The following KCNK10 variants were observed in gnomAD, a reference collection of about 807,000 sequenced individuals.
KCNK10 encodes potassium two pore domain channel subfamily K member 10, also known as potassium channel subfamily K member 10.
KCNK10 carries 25 observed loss-of-function variants against 47.7 expected under a neutral mutation model. That is an observed-to-expected ratio of 0.52 (90% CI 0.38 to 0.73). The LOEUF is 0.73. Among genes scored for constraint, KCNK10 ranks in the 30% least tolerant of loss-of-function variants. The pLI, the probability that KCNK10 is intolerant of heterozygous loss-of-function variation, is 0.00. For synonymous variants in KCNK10, 303 were observed against 285.6 expected (o/e 1.06, Z -0.61); for missense variants, 563 against 714.5 (o/e 0.79, Z 2.42).
At position 88,185,351 on chromosome 14, in the gene KCNK10, C is replaced by T. The variant is rs1884506763; in HGVS notation, c.*184G>A. 2 of 850,814 alleles carry T rather than the reference C, an allele frequency of 2.4e-6. No homozygotes were observed. The highest frequency in any genetic ancestry group is 3.5e-6 in the Non-Finnish European group (2 of 570,866). 52.7% of individuals were successfully genotyped at this position (850,814 alleles called of 1,614,324 possible). On this transcript the variant is annotated 3_prime_UTR_variant, in exon 7 of 7. Coordinates refer to ENST00000319231, the MANE Select transcript of KCNK10 (RefSeq NM_138317.3). The surrounding 1 kb of genome is among the most constrained non-coding windows in gnomAD (Gnocchi z 4.3). ...TGCGTTTGCTATCTGAAATGAAGTT[C>T]TTGTTCTCTGATTCCTTTTGGCAGA... is the stretch of plus-strand genomic sequence containing the variant.
rs570838716 is a variant in KCNK10, at chr14:88,315,789, C to T, written c.52+6958G>A. 2.6e-5 allele frequency among the ~76,000 whole-genome samples: 4 copies of T among 152,180 alleles called. No homozygotes were observed. The South Asian group carries it at 8.3e-4, about 32-fold the overall frequency. On this transcript the variant is annotated intron_variant, in intron 1 of 6. Coordinates refer to ENST00000319231, the MANE Select transcript of KCNK10 (RefSeq NM_138317.3). ...AAACTGTAAATACCACCAGCCCCAC[C>T]ACACTGGGTAGTTGAGTAAGGGAGA...
chr14:88,192,489 AC>A (rs1401298543), intron 4 of KCNK10, 79 bp from the exon 5 acceptor site: 1 of 1,240,128 alleles, frequency 8.1e-7, no homozygotes, highest in Non-Finnish European at 1.1e-6. Flanking sequence ...AGAAAACGGT[AC>A]TGTGTCAGTG....
intron 1 of KCNK10, among the ~76,000 whole-genome samples, chr14:88,269,007 A>G (rs1366412856): frequency 2.0e-5 from 3 of 152,136 alleles, no homozygotes; most frequent in African/African-American, 4.8e-5. Context: ...GTATGGTGGC[A>G]TGCACCTGTA....
At chr14:88,244,984 G>A (rs1886589913) in intron 2 of KCNK10, among the ~76,000 whole-genome samples, 1 of 152,084 alleles carries the variant, frequency 6.6e-6, no homozygotes. Context: ...TAGATAAGAG[G>A]GCATTACTTT....
chr14:88,214,675 A>G lies in KCNK10; in HGVS notation c.681+12700T>C, dbSNP rs578020583. On this transcript the variant is annotated intron_variant, in intron 4 of 6. Coordinates refer to ENST00000319231, the MANE Select transcript of KCNK10 (RefSeq NM_138317.3). ...ACCTCCAAGAAAAGAGAACACAAAG[A>G]AAGAGATATTAACTAATAATGAGCT... 5.4e-4 allele frequency among the ~76,000 whole-genome samples: 83 copies of G among 152,346 alleles called. 2 individuals carry two copies. The South Asian group carries it at 0.017, about 30-fold the overall frequency.
At chr14:88,215,076 T>C (rs1885576009) in intron 4 of KCNK10, among the ~76,000 whole-genome samples, 1 of 152,046 alleles carries the variant, frequency 6.6e-6, no homozygotes, top group Non-Finnish European at 1.5e-5. Flanking sequence ...CTCATATAAT[T>C]AAGAAACAAT....
In KCNK10 at chr14:88,310,169, C is replaced by CATATGGTATATGATATACCATATG. The variant is rs1555365606; in HGVS notation, c.52+12577_52+12578insCATATGGTATATCATATACCATAT. Among the ~76,000 whole-genome samples the CATATGGTATATGATATACCATATG allele has an allele frequency of 5.2e-3, 541 of 103,882 alleles. 33 individuals carry two copies. The highest frequency in any genetic ancestry group is 0.018 in the African/African-American group (409 of 22,624). The allele number at this position is 103,882 out of a possible 152,430, so 68.2% of individuals were successfully genotyped here. A position where few individuals can be genotyped will look rare whatever the true frequency, so the allele number is the denominator to read the frequency against. ...TCCATATCTCTCTCATATACCATATCATATGGTATATGATATACCATATCA... is the reference window on the plus strand; with the variant it reads ...TCCATATCTCTCTCATATACCATATCATATGGTATATGATATACCATATGATATGGTATATGATATACCATATCA... On this transcript the variant is annotated intron_variant, in intron 1 of 6. Transcript: ENST00000319231.
At chr14:88,227,077 T>C (rs1886009432) in intron 4 of KCNK10, among the ~76,000 whole-genome samples, 1 of 152,226 alleles carries the variant, frequency 6.6e-6, no homozygotes, top group Admixed American at 6.5e-5. Flanking sequence ...CCATCTTCCA[T>C]CTTGAAGGAG....
chr14:88,287,423 G>A (rs1296537341), intron 1 of KCNK10, among the ~76,000 whole-genome samples: 3 of 152,074 alleles, frequency 2.0e-5, no homozygotes, highest in African/African-American at 4.8e-5. Context: ...CCCATCACCC[G>A]AGCAGTGTAC....
rs555392673 is a variant in KCNK10 at position 88,298,246 on chromosome 14, G to T, written c.52+24501C>A. On this transcript the variant is annotated intron_variant, in intron 1 of 6. Transcript: ENST00000319231. ...ACAAGTCAAAATTAATATCGTCCAC[G>T]TTCAGTGCAACCTCTGCACCTCTCC... 5.3e-5 allele frequency among the ~76,000 whole-genome samples: 8 copies of T among 152,264 alleles called. 1 individual carries two copies. The highest frequency in any genetic ancestry group is 4.6e-4 in the Admixed American group (7 of 15,288).
chr14:88,278,563 T>G (rs1160672846), intron 1 of KCNK10, among the ~76,000 whole-genome samples: 1 of 152,206 alleles, frequency 6.6e-6, no homozygotes, highest in Non-Finnish European at 1.5e-5. Context: ...TAAGTGTTGA[T>G]GCAAGATCTT....
At chr14:88,187,863 A>C in intron 6 of KCNK10, 104 bp downstream of exon 6, 5 of 1,328,750 alleles carry the variant, frequency 3.8e-6, no homozygotes, top group Non-Finnish European at 2.1e-6. Flanking sequence ...TCCCCCTGCA[A>C]AACCGAGCCA....
chr14:88,253,966 C>T (rs537423000), intron 2 of KCNK10, among the ~76,000 whole-genome samples: 2 of 152,154 alleles, frequency 1.3e-5, no homozygotes, highest in East Asian at 1.9e-4. Flanking sequence ...TGTTCACCAA[C>T]ATAAAGAGTC....
At chr14:88,204,753 TG>T (rs574920072) in intron 4 of KCNK10, among the ~76,000 whole-genome samples, 207 of 152,276 alleles carry the variant, frequency 1.4e-3, no homozygotes, top group African/African-American at 4.9e-3. Flanking sequence ...GAACCATTTT[TG>T]CTTCACAGCA....
intron 1 of KCNK10, among the ~76,000 whole-genome samples, chr14:88,294,564 T>C (rs566142692): frequency 6.6e-6 from 1 of 152,180 alleles, no homozygotes; most frequent in South Asian, 2.1e-4. Flanking sequence ...TCCAGAGCAA[T>C]GTGTCAAGCA....
chr14:88,323,012 G>A lies in KCNK10; in HGVS notation c.-214C>T, dbSNP rs565493003. On this transcript the variant is annotated 5_prime_UTR_variant, in exon 1 of 7. Coordinates refer to ENST00000319231, the MANE Select transcript of KCNK10 (RefSeq NM_138317.3). ...GGGCTTGGGTGTTTGCACCGGCCAG[G>A]GGGTGGCCGGCCGCGGCCCCGTGGG... 5.8e-6 allele frequency: 8 copies of A among 1,373,792 alleles called. No homozygotes were observed. The highest frequency in any genetic ancestry group is 3.1e-5 in the Admixed American group (1 of 32,412). The allele number at this position is 1,373,792 out of a possible 1,614,324, so 85.1% of individuals were successfully genotyped here.
intron 1 of KCNK10, among the ~76,000 whole-genome samples, chr14:88,307,868 G>T (rs984008006): frequency 1.3e-5 from 2 of 152,154 alleles, no homozygotes; most frequent in African/African-American, 4.8e-5. Flanking sequence ...ATGTTTATTA[G>T]GTGCCTCCTG....
chr14:88,323,380 G>A (rs1341357938), upstream of KCNK10: 2 of 835,164 alleles, frequency 2.4e-6, no homozygotes, highest in African/African-American at 1.9e-5. Flanking sequence ...AAAGCCATTG[G>A]ATGTAGGGGT....
intron 1 of KCNK10, among the ~76,000 whole-genome samples, chr14:88,315,956 T>C (rs1888424116): frequency 6.6e-6 from 1 of 152,276 alleles, no homozygotes. Flanking sequence ...ACCTGGCTTA[T>C]GTATGGCAGT....
Sources: allele counts gnomAD v4.1 joint callset (sites outside exome capture counted in the v4.1 genomes callset), GRCh38; gene constraint gnomAD v4.1.1; non-coding constraint Gnocchi (gnomAD v3.1); transcripts MANE v1.5; gene names NCBI Gene and HGNC (gene_info 2026-07-23, HGNC 2026-07-21).